Variants in DYM observed in about 807,000 individuals in gnomAD.
DYM encodes dyggve-Melchior-Clausen syndrome protein.
Under a neutral mutation model 93.1 loss-of-function variants are expected in DYM, and 78 were observed. That is an observed-to-expected ratio of 0.84 (90% CI 0.70 to 1.01). DYM has a LOEUF of 1.01. DYM is among the 50% of genes least tolerant of loss of function. The pLI, the probability that DYM is intolerant of heterozygous loss-of-function variation, is 0.00. For missense variants in DYM, 789 were observed against 845.0 expected, an observed-to-expected ratio of 0.93 and a Z score of 0.82; for synonymous variants, 321 against 319.7, an observed-to-expected ratio of 1.00 and a Z score of -0.04.
intron 8 of DYM, among the ~76,000 whole-genome samples, chr18:49,301,735 AAAT>A (rs1211308480): frequency 6.6e-6 from 1 of 152,208 alleles, no homozygotes; most frequent in Non-Finnish European, 1.5e-5. Flanking sequence ...TGAGGAAAGA[AAAT>A]ATTAGAGCTT....
intron 3 of DYM, among the ~76,000 whole-genome samples, chr18:49,383,701 A>G (rs2068274079): frequency 6.6e-6 from 1 of 152,216 alleles, no homozygotes; most frequent in Non-Finnish European, 1.5e-5. Context: ...AGATATATTT[A>G]TTTATTCTCT....
chr18:49,217,712 T>G (rs1032833796), intron 13 of DYM, among the ~76,000 whole-genome samples: 1 of 152,086 alleles, frequency 6.6e-6, no homozygotes, highest in Non-Finnish European at 1.5e-5. Flanking sequence ...GCTGAGAGAT[T>G]TTCTCACCAC....
At chr18:49,154,151 T>C (rs1044255626) in intron 15 of DYM, among the ~76,000 whole-genome samples, 4 of 152,120 alleles carry the variant, frequency 2.6e-5, no homozygotes, top group African/African-American at 7.2e-5. Context: ...TAGTAGTCTT[T>C]AGAAGTGTTG....
intron 1 of DYM, among the ~76,000 whole-genome samples, chr18:49,432,817 T>C (rs1044692644): frequency 6.6e-5 from 10 of 152,092 alleles, no homozygotes; most frequent in Non-Finnish European, 1.3e-4. Flanking sequence ...TCTCACTGTG[T>C]TGCCCAGGCT....
At chr18:49,220,950 C>T (rs2093324990) in intron 13 of DYM, among the ~76,000 whole-genome samples, 1 of 152,150 alleles carries the variant, frequency 6.6e-6, no homozygotes. Context: ...AAAGAAACTA[C>T]CATCAGAGTG....
chr18:49,144,629 C>T (rs778940541), intron 15 of DYM, among the ~76,000 whole-genome samples: 1 of 152,092 alleles, frequency 6.6e-6, no homozygotes, highest in Non-Finnish European at 1.5e-5. Flanking sequence ...TTGGGTTGGT[C>T]ACTGTTACAA....
intron 11 of DYM, among the ~76,000 whole-genome samples, chr18:49,270,773 T>A (rs1344185483): frequency 6.6e-6 from 1 of 152,162 alleles, no homozygotes; most frequent in Non-Finnish European, 1.5e-5. Flanking sequence ...TAGTTGAAAT[T>A]ATGGTCATAC....
intron 6 of DYM, among the ~76,000 whole-genome samples, chr18:49,361,780 G>T (rs1184354377): frequency 6.6e-6 from 1 of 152,048 alleles, no homozygotes; most frequent in African/African-American, 2.4e-5. Flanking sequence ...GAGTGCAGTG[G>T]CGTGATCTCG....
intron 17 of DYM, among the ~76,000 whole-genome samples, chr18:49,046,175 A>T (rs2144148159): frequency 6.6e-6 from 1 of 151,290 alleles, no homozygotes; most frequent in African/African-American, 2.4e-5. Context: ...GCACACACAG[A>T]TAAAACACAC....
intron 16 of DYM, among the ~76,000 whole-genome samples, chr18:49,114,067 G>A (rs967989805): frequency 6.6e-6 from 1 of 152,124 alleles, no homozygotes; most frequent in East Asian, 1.9e-4. Flanking sequence ...TAGGGATGGC[G>A]AAAGGGCCAA....
At chr18:49,359,969 G>A (rs895613940) in intron 6 of DYM, 1 of 152,196 alleles carries the variant, frequency 6.6e-6, no homozygotes, top group Admixed American at 6.5e-5. Flanking sequence ...AAACCTTCTT[G>A]TAGGATGGAG....
chr18:49,379,998 C>G (rs1225633024), intron 3 of DYM, among the ~76,000 whole-genome samples: 1 of 152,102 alleles, frequency 6.6e-6, no homozygotes, highest in Admixed American at 6.5e-5. Flanking sequence ...AAGTAGCCAT[C>G]TTATCTCAGA....
chr18:49,192,151 G>A (rs1238705792), intron 14 of DYM, among the ~76,000 whole-genome samples: 1 of 111,326 alleles, frequency 9.0e-6, no homozygotes, highest in Non-Finnish European at 1.7e-5. Flanking sequence ...AGCTGGTCTT[G>A]AACTCCTGGC....
intron 14 of DYM, among the ~76,000 whole-genome samples, chr18:49,198,980 A>G (rs1304799610): frequency 6.6e-6 from 1 of 152,182 alleles, no homozygotes; most frequent in Non-Finnish European, 1.5e-5. Flanking sequence ...AACCAAGCCA[A>G]ATGTCCAACA....
intron 14 of DYM, among the ~76,000 whole-genome samples, chr18:49,199,135 A>C (rs2091785909): frequency 6.6e-6 from 1 of 152,188 alleles, no homozygotes; most frequent in Non-Finnish European, 1.5e-5. Context: ...AGGACAAAAA[A>C]CCAAACACCA....
intron 5 of DYM, among the ~76,000 whole-genome samples, chr18:49,364,465 G>C (rs1192426245): frequency 6.6e-6 from 1 of 151,384 alleles, no homozygotes; most frequent in Non-Finnish European, 1.5e-5. Flanking sequence ...AAGAAAGAAA[G>C]AAAGAAAACT....
chr18:49,423,243 C>G (rs1394003083), intron 2 of DYM, among the ~76,000 whole-genome samples: 3 of 152,180 alleles, frequency 2.0e-5, no homozygotes, highest in Admixed American at 2.0e-4. Flanking sequence ...AAGAAACTCA[C>G]TCAAAACCGC....
At chr18:49,246,819 A>T (rs1401890777) in intron 13 of DYM, among the ~76,000 whole-genome samples, 1 of 152,184 alleles carries the variant, frequency 6.6e-6, no homozygotes, top group Non-Finnish European at 1.5e-5. Context: ...ATATTTAAAT[A>T]CAATGCATTA....
intron 13 of DYM, among the ~76,000 whole-genome samples, chr18:49,254,774 G>A (rs1187444528): frequency 6.6e-6 from 1 of 152,156 alleles, no homozygotes; most frequent in East Asian, 1.9e-4. Flanking sequence ...AAAGTTAATT[G>A]TGTAATGAAA....
Sources: gnomAD v4.1 joint callset for allele counts (sites outside exome capture counted in the v4.1 genomes callset) on GRCh38, gnomAD v4.1.1 for gene constraint, MANE v1.5 for transcripts, NCBI Gene and HGNC (gene_info 2026-07-23, HGNC 2026-07-21) for gene names.